Variants in GRM8 observed in about 807,000 individuals in gnomAD.
GRM8 encodes the protein metabotropic glutamate receptor 8.
Under a neutral mutation model 87.2 loss-of-function variants are expected in GRM8, and 47 were observed. That is an observed-to-expected ratio of 0.54 (90% CI 0.43 to 0.69). GRM8 has a LOEUF of 0.69. GRM8 is among the 30% of genes least tolerant of loss of function. GRM8 has a pLI of 0.00. For missense variants in GRM8, 1,019 were observed against 1,139.2 expected (o/e 0.89, Z 1.52); for synonymous variants, 396 against 404.5 (o/e 0.98, Z 0.25).
At chr7:126,819,429 T>A (rs1271044143) in intron 6 of GRM8, among the ~76,000 whole-genome samples, 1 of 152,176 alleles carries the variant, frequency 6.6e-6, no homozygotes, top group African/African-American at 2.4e-5. Context: ...ATTGTAAATA[T>A]TTGTTGTGTC....
intron 8 of GRM8, among the ~76,000 whole-genome samples, chr7:126,606,454 G>A (rs577409659): frequency 6.6e-6 from 1 of 152,066 alleles, no homozygotes; most frequent in African/African-American, 2.4e-5. Flanking sequence ...TTTTAGACAT[G>A]ATAAAACTGA....
intron 7 of GRM8, among the ~76,000 whole-genome samples, chr7:126,662,591 T>A (rs1470649296): frequency 6.6e-6 from 1 of 152,186 alleles, no homozygotes; most frequent in Non-Finnish European, 1.5e-5. Context: ...TCTGATGACC[T>A]CAAATTTCAT....
At chr7:127,170,871 A>G (rs1288700329) in intron 2 of GRM8, among the ~76,000 whole-genome samples, 1 of 152,124 alleles carries the variant, frequency 6.6e-6, no homozygotes, top group Non-Finnish European at 1.5e-5. Flanking sequence ...AGGGATAAAA[A>G]CCACCCACTG....
intron 6 of GRM8, among the ~76,000 whole-genome samples, chr7:126,789,832 T>C (rs1178057479): frequency 6.6e-6 from 1 of 152,234 alleles, no homozygotes; most frequent in Non-Finnish European, 1.5e-5. Context: ...GCTATATAAG[T>C]TATGTCGTAT....
At chr7:127,072,929 C>T (rs1352073572) in intron 3 of GRM8, among the ~76,000 whole-genome samples, 1 of 151,850 alleles carries the variant, frequency 6.6e-6, no homozygotes, top group African/African-American at 2.4e-5. Flanking sequence ...GCTAGCCCAC[C>T]TCTCTTTCTT....
At chr7:126,951,100 T>C (rs1038279968) in intron 3 of GRM8, among the ~76,000 whole-genome samples, 1 of 152,108 alleles carries the variant, frequency 6.6e-6, no homozygotes, top group Non-Finnish European at 1.5e-5. Context: ...CTCTTTGAAT[T>C]GTTACAGGCT....
At chr7:127,122,611 A>G (rs1435096027) in intron 2 of GRM8, among the ~76,000 whole-genome samples, 3 of 151,926 alleles carry the variant, frequency 2.0e-5, no homozygotes, top group Admixed American at 6.6e-5. Context: ...TAATTCTAAG[A>G]AAAAAAATGG....
intron 3 of GRM8, among the ~76,000 whole-genome samples, chr7:127,019,950 C>T (rs754446497): frequency 3.5e-4 from 53 of 152,052 alleles, no homozygotes; most frequent in Non-Finnish European, 1.9e-4. Context: ...CCTTTCTCTA[C>T]ACTGAACTAC....
At chr7:126,862,040 G>A (rs551683123) in intron 6 of GRM8, among the ~76,000 whole-genome samples, 2 of 151,608 alleles carry the variant, frequency 1.3e-5, no homozygotes, top group African/African-American at 4.8e-5. Context: ...GCTATTCCAA[G>A]GCAGAATATA....
In GRM8 at chr7:127,076,054, G is replaced by A. The variant is rs1822225063; in HGVS notation, c.727+30442C>T. 9 of 425,400 alleles carry A rather than the reference G, an allele frequency of 2.1e-5. No homozygotes were observed. In the Admixed American group the frequency reaches 2.4e-4, roughly 11 times the overall value. 26.4% of individuals were successfully genotyped at this position (425,400 alleles called of 1,614,324 possible). A position where few individuals can be genotyped will look rare whatever the true frequency, so the allele number is the denominator to read the frequency against. On this transcript the variant is annotated intron_variant, in intron 3 of 10. Coordinates refer to ENST00000339582, the MANE Select transcript of GRM8 (RefSeq NM_000845.3). ...AAGATGGTTTGATATGCTTAGTCTT[G>A]TCAAAAACATTGTATGTAAGAAGAA...
intron 7 of GRM8, among the ~76,000 whole-genome samples, chr7:126,750,068 G>A (rs1195808723): frequency 1.3e-5 from 2 of 152,008 alleles, no homozygotes; most frequent in Non-Finnish European, 2.9e-5. Context: ...ATTCTTCACG[G>A]GGAAAACTGG....
chr7:126,814,823 G>C (rs1166509761), intron 6 of GRM8, among the ~76,000 whole-genome samples: 1 of 151,220 alleles, frequency 6.6e-6, no homozygotes, highest in Middle Eastern at 3.4e-3. Context: ...AGGTCAACCA[G>C]AACCAGAACC....
intron 7 of GRM8, among the ~76,000 whole-genome samples, chr7:126,655,085 C>G (rs193197345): frequency 6.6e-6 from 1 of 152,224 alleles, no homozygotes; most frequent in East Asian, 1.9e-4. Flanking sequence ...ATGGATGGTA[C>G]AACATTGCTT....
At chr7:126,702,073 T>C (rs1157941215) in intron 7 of GRM8, among the ~76,000 whole-genome samples, 1 of 152,228 alleles carries the variant, frequency 6.6e-6, no homozygotes, top group Non-Finnish European at 1.5e-5. Flanking sequence ...GCAGGCTCTA[T>C]TTATTCATTT....
At chr7:126,981,676 T>A (rs778773912) in intron 3 of GRM8, 2 of 152,200 alleles carry the variant, frequency 1.3e-5, no homozygotes, top group Admixed American at 6.6e-5. Flanking sequence ...GGGTATTAAG[T>A]TTCAACTTTG....
intron 5 of GRM8, 122 bp downstream of exon 5, chr7:126,903,850 A>G (rs1366926440): frequency 6.1e-6 from 3 of 489,200 alleles, no homozygotes; most frequent in Non-Finnish European, 1.1e-5. Flanking sequence ...TCTGCCACCA[A>G]AGCTAAAATT....
At chr7:127,011,988 T>C (rs28734908) in intron 3 of GRM8, among the ~76,000 whole-genome samples, 198 of 152,278 alleles carry the variant, frequency 1.3e-3, no homozygotes, top group African/African-American at 3.5e-3. Context: ...ATAACTTAAT[T>C]GTCACCAACA....
At chr7:127,224,930 A>G (rs1219812856) in intron 2 of GRM8, among the ~76,000 whole-genome samples, 5 of 152,172 alleles carry the variant, frequency 3.3e-5, no homozygotes, top group African/African-American at 1.2e-4. Context: ...CTAGGTTTCT[A>G]TACTTCGCTG....
chr7:126,755,818 C>T (rs899058019), intron 7 of GRM8, among the ~76,000 whole-genome samples: 5 of 151,864 alleles, frequency 3.3e-5, no homozygotes, highest in African/African-American at 1.2e-4. Context: ...TCAATTGAAA[C>T]TGAAACAGAT....
Sources: allele counts gnomAD v4.1 joint callset (sites outside exome capture counted in the v4.1 genomes callset), GRCh38; gene constraint gnomAD v4.1.1; transcripts MANE v1.5; gene names NCBI Gene and HGNC (gene_info 2026-07-23, HGNC 2026-07-21).